The following CNTN3 variants were observed in gnomAD, a reference collection of about 807,000 sequenced individuals.
CNTN3 encodes the protein contactin 3, also known as contactin-3.
Under a neutral mutation model 119.1 loss-of-function variants are expected in CNTN3, and 60 were observed. The observed-to-expected ratio is 0.50, with a 90% CI of 0.41 to 0.62. The LOEUF (loss-of-function observed/expected upper bound fraction) is 0.62, where lower values mean the gene tolerates loss of function less well. Among genes scored for constraint, CNTN3 ranks in the 20% least tolerant of loss-of-function variants. The pLI is 0.00. For missense variants in CNTN3, 1,101 were observed against 1,242.4 expected (o/e 0.89, Z 1.71); for synonymous variants, 450 against 438.7 (o/e 1.03, Z -0.32).
At chr3:74,407,438 T>TTC (rs1235385220) in intron 5 of CNTN3, among the ~76,000 whole-genome samples, 2 of 148,810 alleles carry the variant, frequency 1.3e-5, no homozygotes, top group East Asian at 4.0e-4. Flanking sequence ...CTGGCTAATT[T>TTC]TTTTTTTTTT....
intron 1 of CNTN3, among the ~76,000 whole-genome samples, chr3:74,566,310 T>C (rs555152160): frequency 7.9e-5 from 12 of 152,164 alleles, no homozygotes; most frequent in Non-Finnish European, 1.5e-4. Flanking sequence ...CAGGCCACCT[T>C]CGCTTTGAAG....
At chr3:74,295,435 C>T (rs1011058404) in intron 18 of CNTN3, among the ~76,000 whole-genome samples, 199 bp from the exon 19 acceptor site, 1 of 152,198 alleles carries the variant, frequency 6.6e-6, no homozygotes, top group Non-Finnish European at 1.5e-5. Context: ...AAAGGCTTTT[C>T]TTTGCTAAAC....
intron 21 of CNTN3, 143 bp from the exon 22 acceptor site, chr3:74,266,792 C>A: frequency 1.4e-6 from 1 of 715,498 alleles, no homozygotes; most frequent in Non-Finnish European, 2.3e-6. Flanking sequence ...AATTGTAAGT[C>A]TTAGATTAGA....
At position 74,302,763 on chromosome 3, in the gene CNTN3, G is replaced by T; in HGVS notation, c.1713C>A (p.His571Gln). 6.2e-7 allele frequency: 1 copy of T among 1,612,930 alleles called. No homozygotes were observed. The highest frequency in any genetic ancestry group is 1.1e-5 in the South Asian group (1 of 90,900). ...DLMIRNIQLK[H>Q]SGKYVCMVQT... ...GCACCATACAAACATATTTCCCACT[G>T]TGTTTCAGCTGAATGTTTCTGATCA... The change falls in exon 14 of 23, where the codon CAC becomes CAA. Residue 571 changes from histidine to glutamine, a missense_variant. His to Gln is a conservative substitution (Grantham distance 24, BLOSUM62 0). Transcript: ENST00000263665.
intron 1 of CNTN3, among the ~76,000 whole-genome samples, chr3:74,566,187 G>A (rs1704223469): frequency 6.6e-6 from 1 of 152,154 alleles, no homozygotes; most frequent in Non-Finnish European, 1.5e-5. Context: ...GGGTACAATT[G>A]AGGAGAGTTT....
chr3:74,540,229 C>G (rs1317109895), intron 1 of CNTN3, among the ~76,000 whole-genome samples: 1 of 152,042 alleles, frequency 6.6e-6, no homozygotes, highest in Non-Finnish European at 1.5e-5. Context: ...CCTCTCATTT[C>G]TCTTCAATAA....
intron 2 of CNTN3, among the ~76,000 whole-genome samples, chr3:74,515,501 CA>C (rs1703435297): frequency 6.6e-6 from 1 of 151,986 alleles, no homozygotes; most frequent in Admixed American, 6.6e-5. Flanking sequence ...CCCAGTCTCC[CA>C]AATACTCAGT....
In CNTN3 at chr3:74,301,563, T is replaced by A. The variant is rs1184209084; in HGVS notation, c.1946-16A>T. The A allele has an allele frequency of 1.9e-6, 3 of 1,613,322 alleles. No individual in the cohort carries two copies. Among genetic ancestry groups the A allele is most frequent in the African/African-American group, 2.7e-5 (2 of 74,916 alleles). Reference sequence around the variant, plus strand: ...ACCTCAGGCACTACAAAGGAATATTTCAGAGGTAAGAGTCTGCCTGCTTTA... The same window carrying A: ...ACCTCAGGCACTACAAAGGAATATTACAGAGGTAAGAGTCTGCCTGCTTTA... On this transcript the variant is annotated splice_polypyrimidine_tract_variant and intron_variant, in intron 15 of 22. Transcript: ENST00000263665.
chr3:74,425,037 T>C, intron 4 of CNTN3, 97 bp from the exon 5 acceptor site: 2 of 796,558 alleles, frequency 2.5e-6, no homozygotes, highest in South Asian at 3.9e-5. Flanking sequence ...ACAATTTTAG[T>C]TTTTGCTTTT....
At chr3:74,323,719 T>C (rs1244639940) in intron 13 of CNTN3, among the ~76,000 whole-genome samples, 3 of 152,222 alleles carry the variant, frequency 2.0e-5, no homozygotes, top group Non-Finnish European at 2.9e-5. Context: ...TGTTTATTTA[T>C]GGAATTTATT....
At chr3:74,451,956 C>T (rs1702165560) in intron 4 of CNTN3, among the ~76,000 whole-genome samples, 2 of 121,264 alleles carry the variant, frequency 1.6e-5, no homozygotes. Context: ...CGTGAGGCCT[C>T]CAGCTTTGTT....
intron 2 of CNTN3, among the ~76,000 whole-genome samples, chr3:74,520,150 T>C (rs969490982): frequency 6.7e-6 from 1 of 149,934 alleles, no homozygotes; most frequent in Non-Finnish European, 1.5e-5. Context: ...AGAAAAGTGG[T>C]CTTCTAAGGA....
intron 2 of CNTN3, among the ~76,000 whole-genome samples, chr3:74,512,265 G>C (rs2107105890): frequency 6.6e-6 from 1 of 152,210 alleles, no homozygotes; most frequent in East Asian, 1.9e-4. Context: ...TACATGGCCT[G>C]AAAAATAGGA....
intron 3 of CNTN3, among the ~76,000 whole-genome samples, chr3:74,490,880 G>A (rs1356257132): frequency 1.3e-5 from 2 of 152,108 alleles, no homozygotes; most frequent in South Asian, 2.1e-4. Flanking sequence ...CCAGAAGAAT[G>A]TTAATTTTCT....
intron 4 of CNTN3, among the ~76,000 whole-genome samples, chr3:74,435,866 A>C (rs1469009030): frequency 6.6e-6 from 1 of 152,076 alleles, no homozygotes; most frequent in Non-Finnish European, 1.5e-5. Context: ...AGGTCCATCC[A>C]ACCCTCACGC....
At chr3:74,445,926 G>C (rs1302753861) in intron 4 of CNTN3, among the ~76,000 whole-genome samples, 1 of 152,158 alleles carries the variant, frequency 6.6e-6, no homozygotes, top group African/African-American at 2.4e-5. Flanking sequence ...ACTCAAGAGG[G>C]TATCATTCAC....
At chr3:74,351,223 G>A (rs985410322) in intron 11 of CNTN3, among the ~76,000 whole-genome samples, 10 of 152,334 alleles carry the variant, frequency 6.6e-5, no homozygotes, top group Middle Eastern at 3.4e-3. Flanking sequence ...GCAATCCACT[G>A]AGTTTTAAAA....
intron 13 of CNTN3, among the ~76,000 whole-genome samples, chr3:74,326,190 C>T: frequency 6.6e-6 from 1 of 152,038 alleles, no homozygotes; most frequent in Non-Finnish European, 1.5e-5. Context: ...ATTGTAGGTG[C>T]TTTTATGTAG....
At chr3:74,461,347 T>C (rs963909104) in intron 4 of CNTN3, among the ~76,000 whole-genome samples, 6 of 152,048 alleles carry the variant, frequency 3.9e-5, no homozygotes, top group African/African-American at 1.4e-4. Flanking sequence ...CAGTCATTTG[T>C]GCTGTTAAAT....
Sources: allele counts gnomAD v4.1 joint callset (sites outside exome capture counted in the v4.1 genomes callset), GRCh38; gene constraint gnomAD v4.1.1; transcripts MANE v1.5; gene names NCBI Gene and HGNC (gene_info 2026-07-23, HGNC 2026-07-21).